Variants in CCDC146 observed in about 807,000 individuals in gnomAD.
CCDC146 encodes the protein coiled-coil domain-containing protein 146.
CCDC146 carries 92 observed loss-of-function variants against 119.3 expected under a neutral mutation model. The ratio of observed to expected loss-of-function variants is 0.77; its 90% CI spans 0.65 to 0.92. The LOEUF (loss-of-function observed/expected upper bound fraction) is 0.92, where lower values mean the gene tolerates loss of function less well. Ranked by LOEUF, CCDC146 falls within the 40% of genes least tolerant of loss-of-function variation. The probability of loss-of-function intolerance (pLI) is 0.00; values close to 1 mark genes in which losing one functional copy is unlikely to be tolerated. For synonymous variants in CCDC146, 372 were observed against 371.8 expected (o/e 1.00, Z -0.01); for missense variants, 1,000 against 1,103.0 (o/e 0.91, Z 1.32).
chr7:77,155,132 T>C (rs555007265), intron 1 of CCDC146, among the ~76,000 whole-genome samples: 79 of 152,376 alleles, frequency 5.2e-4, no homozygotes, highest in Non-Finnish European at 1.0e-3. Flanking sequence ...TTCAGGCATC[T>C]TTTGAATTTC....
At chr7:77,245,141 T>C (rs1792924544) in intron 4 of CCDC146, among the ~76,000 whole-genome samples, 1 of 152,248 alleles carries the variant, frequency 6.6e-6, no homozygotes, top group Non-Finnish European at 1.5e-5. Context: ...GTTGGTTGGT[T>C]GGTTAGTAAT....
At chr7:77,260,268 C>A in intron 8 of CCDC146, 32 bp downstream of exon 8, 3 of 1,482,912 alleles carry the variant, frequency 2.0e-6, no homozygotes, top group South Asian at 2.5e-5. Flanking sequence ...TATGTTCTGT[C>A]ATCTAAATTT....
At chr7:77,138,573 A>G (rs750699483) in intron 1 of CCDC146, among the ~76,000 whole-genome samples, 7 of 152,234 alleles carry the variant, frequency 4.6e-5, no homozygotes, top group Non-Finnish European at 8.8e-5. Context: ...TACGAAAGAC[A>G]ATGTCAAAAA....
chr7:77,200,936 A>C (rs574837076), intron 2 of CCDC146, among the ~76,000 whole-genome samples: 2 of 152,306 alleles, frequency 1.3e-5, no homozygotes, highest in South Asian at 4.1e-4. Flanking sequence ...AAAAATCTAA[A>C]TGTTTTATTG....
chr7:77,159,398 T>C (rs141682543), intron 1 of CCDC146, among the ~76,000 whole-genome samples: 7 of 152,372 alleles, frequency 4.6e-5, no homozygotes, highest in East Asian at 1.9e-4. Context: ...TGAGATCATA[T>C]AGTATTTGTA....
intron 4 of CCDC146, among the ~76,000 whole-genome samples, chr7:77,251,828 A>G (rs1309759546): frequency 1.1e-4 from 16 of 152,336 alleles, no homozygotes; most frequent in Admixed American, 9.8e-4. Flanking sequence ...CAATCTGAAC[A>G]GAGAGAAAAA....
At chr7:77,246,057 C>A (rs1244981474) in intron 4 of CCDC146, among the ~76,000 whole-genome samples, 1 of 152,000 alleles carries the variant, frequency 6.6e-6, no homozygotes, top group Non-Finnish European at 1.5e-5. Flanking sequence ...CGCCCCCACC[C>A]AAAGTGACAT....
chr7:77,236,197 A>G (rs796287629), intron 2 of CCDC146, among the ~76,000 whole-genome samples: 67 of 152,364 alleles, frequency 4.4e-4, no homozygotes, highest in African/African-American at 1.4e-3. Context: ...TCATTGCATT[A>G]TGATTTTAGG....
At chr7:77,142,563 C>A (rs975214066) in intron 1 of CCDC146, among the ~76,000 whole-genome samples, 1 of 151,900 alleles carries the variant, frequency 6.6e-6, no homozygotes, top group Admixed American at 6.6e-5. Flanking sequence ...TTCCCTCCCC[C>A]CTTCCCCCAC....
chr7:77,210,270 A>C (rs1274441040), intron 2 of CCDC146, among the ~76,000 whole-genome samples: 5 of 152,208 alleles, frequency 3.3e-5, no homozygotes, highest in Admixed American at 6.5e-5. Flanking sequence ...TGCTGCTTAG[A>C]AGTTTCTTCC....
intron 9 of CCDC146, among the ~76,000 whole-genome samples, chr7:77,270,869 G>A (rs1793496327): frequency 1.3e-5 from 2 of 152,228 alleles, no homozygotes; most frequent in African/African-American, 4.8e-5. Context: ...GGAGGAGGAA[G>A]GGCAACGAGC....
chr7:77,261,510 G>A (rs755642245), intron 8 of CCDC146, among the ~76,000 whole-genome samples: 21 of 151,792 alleles, frequency 1.4e-4, no homozygotes, highest in African/African-American at 4.1e-4. Context: ...TCGCTCTGTC[G>A]CCCAGGCCGG....
intron 4 of CCDC146, chr7:77,246,568 A>G (rs1792955517): frequency 6.6e-6 from 1 of 152,178 alleles, no homozygotes; most frequent in Non-Finnish European, 1.5e-5. Context: ...AGAAACAGAA[A>G]CATGTTTTTG....
rs747458103 is a variant in CCDC146, at chr7:77,196,689, G to T, written c.156+28865G>T. 6.2e-7 allele frequency: 1 copy of T among 1,614,168 alleles called. No homozygotes were observed. Among genetic ancestry groups the T allele is most frequent in the Non-Finnish European group, 8.5e-7 (1 of 1,180,002 alleles). On this transcript the variant is annotated intron_variant, in intron 2 of 18. Coordinates refer to ENST00000285871, the MANE Select transcript of CCDC146 (RefSeq NM_020879.3). The surrounding 1 kb of genome is among the most constrained non-coding windows in gnomAD (Gnocchi z 4.2). ...AGTTCGACACCATTAAAGTCTTCAA[G>T]ATCTATTCTCAGAATCATTTCCTTA...
chr7:77,276,803 T>G (rs3108447), intron 11 of CCDC146, among the ~76,000 whole-genome samples: 131,046 of 152,038 alleles, frequency 0.86, 56,579 homozygotes, highest in East Asian at 0.97. Context: ...AGGAGCGGTC[T>G]CTCACGCCTG....
At chr7:77,162,871 A>C (rs1791282996) in intron 1 of CCDC146, among the ~76,000 whole-genome samples, 1 of 152,098 alleles carries the variant, frequency 6.6e-6, no homozygotes, top group Admixed American at 6.6e-5. Flanking sequence ...TGTATGCCTA[A>C]GTATTTTTAT....
chr7:77,234,054 G>GT (rs934235179), intron 2 of CCDC146, among the ~76,000 whole-genome samples: 2 of 151,998 alleles, frequency 1.3e-5, no homozygotes, highest in Non-Finnish European at 2.9e-5. Context: ...AATACTATCT[G>GT]TTTTTTTGAA....
At chr7:77,283,549 AG>A (rs1412141853) in intron 15 of CCDC146, among the ~76,000 whole-genome samples, 1 of 152,130 alleles carries the variant, frequency 6.6e-6, no homozygotes, top group Non-Finnish European at 1.5e-5. Context: ...CCTGATAAAA[AG>A]TTAAGACATT....
chr7:77,264,708 TTGTCCTTATTC>T (rs369564639), intron 9 of CCDC146, among the ~76,000 whole-genome samples: 134 of 152,354 alleles, frequency 8.8e-4, no homozygotes, highest in African/African-American at 3.1e-3. Context: ...GTGGATATAT[TTGTCCTTATTC>T]TGTGATATTA....
Sources: allele counts gnomAD v4.1 joint callset (sites outside exome capture counted in the v4.1 genomes callset), GRCh38; gene constraint gnomAD v4.1.1; non-coding constraint Gnocchi (gnomAD v3.1); transcripts MANE v1.5; gene names NCBI Gene and HGNC (gene_info 2026-07-23, HGNC 2026-07-21).